Variants in CELF2 observed in about 807,000 individuals in gnomAD.
The protein encoded by CELF2 is CUG triplet repeat RNA-binding protein 2.
CELF2 carries 8 observed loss-of-function variants against 62.6 expected under a neutral mutation model. That is an observed-to-expected ratio of 0.13 (90% CI 0.07 to 0.23). The LOEUF (loss-of-function observed/expected upper bound fraction) is 0.23, where lower values mean the gene tolerates loss of function less well. Among genes scored for constraint, CELF2 ranks in the 10% least tolerant of loss-of-function variants. The pLI is 1.00. For missense variants in CELF2, 333 were observed against 671.0 expected (o/e 0.50, Z 5.56); for synonymous variants, 258 against 250.0 (o/e 1.03, Z -0.30).
At chr10:10,661,697 C>T in the CELF2 span, among the ~76,000 whole-genome samples, 8 of 152,292 alleles carry the variant, frequency 5.3e-5, no homozygotes, top group East Asian at 1.2e-3. Context: ...TTAGTTACCA[C>T]GTTTCTAGGG....
chr10:10,731,084 A>G, the CELF2 span, among the ~76,000 whole-genome samples: 3 of 152,126 alleles, frequency 2.0e-5, no homozygotes, highest in African/African-American at 4.8e-5. Context: ...AACCTTCACA[A>G]TCATCTCAAC....
At chr10:10,914,853 G>A (rs957776009) in intron 1 of CELF2, among the ~76,000 whole-genome samples, 3 of 152,160 alleles carry the variant, frequency 2.0e-5, no homozygotes, top group Non-Finnish European at 4.4e-5. Flanking sequence ...TCTGGGCCAG[G>A]CATGATGGCT....
At chr10:10,882,373 T>G (rs958733639) in intron 1 of CELF2, among the ~76,000 whole-genome samples, 2 of 152,236 alleles carry the variant, frequency 1.3e-5, no homozygotes, top group African/African-American at 4.8e-5. Context: ...GTGGTTTCCC[T>G]CGTAGTTTGT....
chr10:11,228,718 C>CAAAAAA lies in CELF2; in HGVS notation c.354+11233_354+11238dup, dbSNP rs56167230. Among the ~76,000 whole-genome samples the CAAAAAA allele has an allele frequency of 7.5e-4, 102 of 135,148 alleles. 3 individuals carry two copies. Among genetic ancestry groups the CAAAAAA allele is most frequent in the African/African-American group, 2.8e-3 (99 of 34,836 alleles). The allele number at this position is 135,148 out of a possible 152,430, so 88.7% of individuals were successfully genotyped here. On this transcript the variant is annotated intron_variant, in intron 3 of 12. Transcript: ENST00000633077. ...TCACAACCCCCACCCGCGCCCCTCG[C>CAAAAAA]AAAAAAAAAAAAAAAAAAAAAAAAA...
the CELF2 span, among the ~76,000 whole-genome samples, chr10:10,759,296 CTTTTTTT>C: frequency 8.3e-6 from 1 of 120,904 alleles, no homozygotes. Flanking sequence ...GCCCATTTTT[CTTTTTTT>C]TTTTTTTTTT....
the CELF2 span, among the ~76,000 whole-genome samples, chr10:10,501,981 G>C: frequency 1.3e-5 from 2 of 152,080 alleles, no homozygotes; most frequent in South Asian, 2.1e-4. Flanking sequence ...TATCATAAGT[G>C]ATGGGCAAAT....
At chr10:10,912,068 C>T (rs2063858724) in intron 1 of CELF2, among the ~76,000 whole-genome samples, 3 of 152,194 alleles carry the variant, frequency 2.0e-5, no homozygotes, top group Admixed American at 1.3e-4. Flanking sequence ...CTGTTTCATA[C>T]AGCAGGTACC....
chr10:11,019,924 A>G (rs1302593194), intron 1 of CELF2, among the ~76,000 whole-genome samples: 1 of 152,212 alleles, frequency 6.6e-6, no homozygotes, highest in Non-Finnish European at 1.5e-5. Context: ...TCGCCTAATC[A>G]TGATTTTGAA....
chr10:10,588,152 G>A, the CELF2 span, among the ~76,000 whole-genome samples: 1 of 151,982 alleles, frequency 6.6e-6, no homozygotes, highest in Non-Finnish European at 1.5e-5. Flanking sequence ...GTTTGGCAAC[G>A]GGCAGTCTCT....
intron 1 of CELF2, among the ~76,000 whole-genome samples, chr10:11,028,224 A>G (rs376615918): frequency 6.6e-6 from 1 of 152,032 alleles, no homozygotes; most frequent in African/African-American, 2.4e-5. Flanking sequence ...AGACCTTTCC[A>G]TTCTGGGATG....
Position 10,931,771 on chromosome 10 carries a change from G to A in CELF2, c.89+11772G>A, listed in dbSNP as rs192745237. Reference sequence around the variant, plus strand: ...TAGCAATGCATTAGTCTTTTCTCACGCTGCTAATAAAGACATACCCACAAC... The same window carrying A: ...TAGCAATGCATTAGTCTTTTCTCACACTGCTAATAAAGACATACCCACAAC... On this transcript the variant is annotated intron_variant, in intron 2 of 13. Coordinates refer to the CELF2 transcript ENST00000636488. This position sits in a 1 kb window ranked among gnomAD's most constrained non-coding sequence, Gnocchi z 6.1. 1.2e-4 allele frequency among the ~76,000 whole-genome samples: 18 copies of A among 152,178 alleles called. No individual in the cohort carries two copies. In the East Asian group the frequency reaches 3.1e-3, roughly 26 times the overall value.
Position 10,918,573 on chromosome 10 carries a change from A to G in CELF2, c.54-1391A>G, listed in dbSNP as rs966799719. On this transcript the variant is annotated intron_variant, in intron 1 of 13. Coordinates refer to the CELF2 transcript ENST00000636488. ...TCACAGGGAGTAAATAGGAAGAGGG[A>G]GTTCTAATAGCTGGGAGGGTCAGGG... 2.6e-5 allele frequency among the ~76,000 whole-genome samples: 4 copies of G among 152,190 alleles called. No individual in the cohort carries two copies. The East Asian group carries it at 7.7e-4, about 29-fold the overall frequency.
chr10:11,276,207 G>C, intron 8 of CELF2, among the ~76,000 whole-genome samples: 1 of 151,902 alleles, frequency 6.6e-6, no homozygotes, highest in Non-Finnish European at 1.5e-5. Flanking sequence ...TTCTCCCTGG[G>C]TGTGGTGTGT....
intron 1 of CELF2, among the ~76,000 whole-genome samples, chr10:10,856,249 C>T (rs934852818): frequency 6.6e-5 from 10 of 152,088 alleles, no homozygotes; most frequent in African/African-American, 2.2e-4. Flanking sequence ...CACACCGGAT[C>T]GCGTTGTTTT....
Position 11,333,585 on chromosome 10 carries a change from T to C in CELF2, c.*4532T>C, listed in dbSNP as rs1227289646. ...TAAAAAAACCTGTAGTTTCATTACC[T>C]TTTTGAATAATGTCATACAAAAAAT... On this transcript the variant is annotated 3_prime_UTR_variant, in exon 13 of 13. Transcript: ENST00000633077. 1 of 152,470 alleles carries C rather than the reference T, an allele frequency of 6.6e-6. No individual in the cohort carries two copies. Among genetic ancestry groups the C allele is most frequent in the Non-Finnish European group, 1.5e-5 (1 of 68,042 alleles). 9.4% of individuals were successfully genotyped at this position (152,470 alleles called of 1,614,324 possible).
At chr10:10,533,355 G>A in the CELF2 span, among the ~76,000 whole-genome samples, 2 of 152,154 alleles carry the variant, frequency 1.3e-5, no homozygotes, top group Non-Finnish European at 2.9e-5. Flanking sequence ...CATTTTAGAA[G>A]AACGAGAGTA....
rs908958820 is a variant in CELF2, at chr10:11,008,942, G to T, written c.53+3502G>T. Among the ~76,000 whole-genome samples, 1 of 130,764 alleles carries T rather than the reference G, an allele frequency of 7.6e-6. No individual in the cohort carries two copies. The highest frequency in any genetic ancestry group is 1.5e-5 in the Non-Finnish European group (1 of 64,568). 85.8% of individuals were successfully genotyped at this position (130,764 alleles called of 152,430 possible). On this transcript the variant is annotated intron_variant, in intron 1 of 12. Coordinates refer to the CELF2 transcript ENST00000416382. This position sits in a 1 kb window ranked among gnomAD's most constrained non-coding sequence, Gnocchi z 4.5. ...CATTCAGTGGCAATAATGCCTTCTTGGGTCACCTTTATTAGCCTTCACTGA... is the reference window on the plus strand; with the variant it reads ...CATTCAGTGGCAATAATGCCTTCTTTGGTCACCTTTATTAGCCTTCACTGA...
intron 2 of CELF2, among the ~76,000 whole-genome samples, chr10:11,205,489 A>G (rs1411393814): frequency 6.6e-6 from 1 of 152,230 alleles, no homozygotes. Flanking sequence ...AAACATTTTC[A>G]TACGTTGTTT....
At chr10:10,991,295 C>T (rs992924558) in intron 2 of CELF2, among the ~76,000 whole-genome samples, 6 of 152,158 alleles carry the variant, frequency 3.9e-5, no homozygotes, top group Admixed American at 1.3e-4. Flanking sequence ...CAGCTGACGA[C>T]AGCTAATGAA....
Sources: allele counts gnomAD v4.1 joint callset (sites outside exome capture counted in the v4.1 genomes callset), GRCh38; gene constraint gnomAD v4.1.1; non-coding constraint Gnocchi (gnomAD v3.1); transcripts MANE v1.5; gene names NCBI Gene and HGNC (gene_info 2026-07-23, HGNC 2026-07-21).